The following DCT variants were observed in gnomAD, a reference collection of about 807,000 sequenced individuals.
DCT encodes the protein dopachrome tautomerase.
A neutral mutation model predicts 53.0 loss-of-function variants in DCT; 47 were observed. That is an observed-to-expected ratio of 0.89 (90% confidence interval 0.70 to 1.13). The LOEUF is 1.13. DCT is among the 50% of genes most tolerant of loss of function. DCT has a pLI of 0.00. For missense variants in DCT, 669 were observed against 637.4 expected (o/e 1.05, Z -0.53); for synonymous variants, 244 against 237.0 (o/e 1.03, Z -0.27).
the DCT span, among the ~76,000 whole-genome samples, chr13:94,519,717 TGGTAGAG>T: frequency 2.2e-4 from 33 of 152,244 alleles, no homozygotes; most frequent in Middle Eastern, 3.4e-3. Context: ...AGAAAAGGTA[TGGTAGAG>T]GCCAGTGGTT....
chr13:94,481,845 G>A (rs1466838228), upstream of DCT, among the ~76,000 whole-genome samples: 2 of 152,192 alleles, frequency 1.3e-5, no homozygotes, highest in Non-Finnish European at 2.9e-5. Flanking sequence ...ACAAAGAGCA[G>A]CATCACCACA....
At chr13:94,518,145 GGAAGGAAGGAAT>G in the DCT span, among the ~76,000 whole-genome samples, 163 of 141,264 alleles carry the variant, frequency 1.2e-3, 5 homozygotes, top group African/African-American at 3.7e-3. Flanking sequence ...AAGGAAGGAA[GGAAGGAAGGAAT>G]GAAGGAAGGA....
At chr13:94,481,456 T>C (rs957470439), upstream of DCT, among the ~76,000 whole-genome samples, 3 of 152,198 alleles carry the variant, frequency 2.0e-5, no homozygotes, top group Admixed American at 2.0e-4. Context: ...CATGCCAGCA[T>C]TGTGACACTT....
chr13:94,539,752 T>C, the DCT span, among the ~76,000 whole-genome samples: 1 of 152,072 alleles, frequency 6.6e-6, no homozygotes, highest in Non-Finnish European at 1.5e-5. Context: ...TGGGTGAGAC[T>C]GCCTCTGAAT....
the DCT span, among the ~76,000 whole-genome samples, chr13:94,546,602 G>A: frequency 6.6e-6 from 1 of 152,088 alleles, no homozygotes. The surrounding 1 kb of genome is among the most constrained non-coding windows in gnomAD (Gnocchi z 4.2). Flanking sequence ...AGCACAGCAG[G>A]AGAGCCCCCC....
intron 7 of DCT, 67 bp from the exon 8 acceptor site, chr13:94,440,143 G>C: frequency 7.2e-7 from 1 of 1,379,488 alleles, no homozygotes; most frequent in Non-Finnish European, 1.0e-6. Context: ...AAGAGAAAAA[G>C]AGCAAGCGCA....
At chr13:94,499,787 C>T in the DCT span, among the ~76,000 whole-genome samples, 1 of 152,064 alleles carries the variant, frequency 6.6e-6, no homozygotes, top group Non-Finnish European at 1.5e-5. Flanking sequence ...CCCTGTGTTC[C>T]AGCCCTTCAC....
At chr13:94,442,012 T>C (rs553644402) in intron 7 of DCT, among the ~76,000 whole-genome samples, 1 of 151,280 alleles carries the variant, frequency 6.6e-6, no homozygotes, top group East Asian at 1.9e-4. Flanking sequence ...CACTTACTAT[T>C]TTCTATTTTT....
intron 2 of DCT, 21 bp from the exon 3 acceptor site, chr13:94,466,679 AT>A: frequency 1.3e-6 from 2 of 1,494,582 alleles, no homozygotes; most frequent in Non-Finnish European, 1.8e-6. Flanking sequence ...TGGGAAACAT[AT>A]TAGAGATGAC....
rs1881983567 is a variant in DCT, at chr13:94,437,649, G to A, written c.*2249C>T. The A allele has an allele frequency of 6.6e-6, 1 of 152,118 alleles. No homozygotes were observed. The highest frequency in any genetic ancestry group is 2.4e-5 in the African/African-American group (1 of 41,448). The allele number at this position is 152,118 out of a possible 1,614,324, so 9.4% of individuals were successfully genotyped here. On this transcript the variant is annotated 3_prime_UTR_variant, in exon 8 of 8. Transcript: ENST00000377028. ...TGAGAAATATAGCCCACAGTATTTG[G>A]TGACATTTTCTGAGTTTATTTGCAT...
chr13:94,474,579 T>C (rs1005048953), intron 1 of DCT, among the ~76,000 whole-genome samples: 1 of 152,348 alleles, frequency 6.6e-6, no homozygotes, highest in African/African-American at 2.4e-5. Flanking sequence ...GTTCAAAAAC[T>C]ATTTGGTGCG....
At chr13:94,445,863 C>T (rs1882687495) in intron 6 of DCT, 4 of 762,474 alleles carry the variant, frequency 5.2e-6, no homozygotes, top group South Asian at 3.4e-5. Flanking sequence ...TGGCCCATTC[C>T]TGGAGGCAGG....
the DCT span, among the ~76,000 whole-genome samples, chr13:94,535,859 T>C: frequency 6.6e-6 from 1 of 152,172 alleles, no homozygotes. Context: ...ACACTATTAA[T>C]ATATTGGTGC....
At position 94,439,973 on chromosome 13, in the gene DCT, A is replaced by C; in HGVS notation, c.1485T>G (p.Tyr495Ter). The C allele has an allele frequency of 1.2e-6, 2 of 1,613,966 alleles. No homozygotes were observed. The highest frequency in any genetic ancestry group is 1.7e-6 in the Non-Finnish European group (2 of 1,179,866). Residue 495 changes from tyrosine to a stop codon, truncating the protein, a stop_gained, in exon 8 of 8, where the codon TAT (tyrosine) becomes TAG (stop). Coordinates refer to ENST00000377028, the MANE Select transcript of DCT (RefSeq NM_001922.5). LOFTEE classifies it high-confidence loss of function. ...GTGTATATCCTTTTCGAAGTCTTCT[A>C]TATTGAAGAAAAGCCAACAGCACAA... ...GLFVLLAFLQ[Y>*]RRLRKGYTPL...
chr13:94,547,273 C>T, the DCT span, among the ~76,000 whole-genome samples: 7 of 151,894 alleles, frequency 4.6e-5, no homozygotes, highest in South Asian at 4.2e-4. Context: ...TGTACCACCA[C>T]GCCCAGCTCA....
intron 6 of DCT, chr13:94,445,728 C>T (rs781527340): frequency 3.1e-6 from 5 of 1,587,890 alleles, no homozygotes; most frequent in South Asian, 2.3e-5. Flanking sequence ...CCAGCACATG[C>T]AGGGAAGGGA....
chr13:94,495,570 G>A, the DCT span, among the ~76,000 whole-genome samples: 1 of 152,216 alleles, frequency 6.6e-6, no homozygotes, highest in Non-Finnish European at 1.5e-5. Context: ...TTTAGTGAAT[G>A]TAGGAGCACT....
intron 1 of DCT, among the ~76,000 whole-genome samples, chr13:94,472,138 T>G (rs1884683131): frequency 6.6e-6 from 1 of 152,208 alleles, no homozygotes; most frequent in South Asian, 2.1e-4. Context: ...CATTCATAAC[T>G]TATGCCATGA....
the DCT span, among the ~76,000 whole-genome samples, chr13:94,511,744 CTCTT>C: frequency 1.3e-5 from 2 of 152,056 alleles, no homozygotes; most frequent in East Asian, 1.9e-4. Flanking sequence ...AAAGGAGAAA[CTCTT>C]TCTCACCCCA....
Sources: allele counts gnomAD v4.1 joint callset (sites outside exome capture counted in the v4.1 genomes callset), GRCh38; gene constraint gnomAD v4.1.1; non-coding constraint Gnocchi (gnomAD v3.1); transcripts MANE v1.5; gene names NCBI Gene and HGNC (gene_info 2026-07-23, HGNC 2026-07-21).